Variants in GABRB1 observed in about 807,000 individuals in gnomAD.
The protein encoded by GABRB1 is gamma-aminobutyric acid receptor subunit beta-1.
A neutral mutation model predicts 51.6 loss-of-function variants in GABRB1; 17 were observed. That is an observed-to-expected ratio of 0.33 (90% CI 0.23 to 0.49). GABRB1 has a LOEUF of 0.49. Among genes scored for constraint, GABRB1 ranks in the 20% least tolerant of loss-of-function variants. The pLI, the probability that GABRB1 is intolerant of heterozygous loss-of-function variation, is 0.99. For missense variants in GABRB1, 410 were observed against 600.6 expected (o/e 0.68, Z 3.32); for synonymous variants, 247 against 218.9 (o/e 1.13, Z -1.14).
At chr4:47,281,625 C>A (rs1188039555) in intron 4 of GABRB1, among the ~76,000 whole-genome samples, 1 of 151,816 alleles carries the variant, frequency 6.6e-6, no homozygotes, top group Non-Finnish European at 1.5e-5. Context: ...TTCACAATAG[C>A]CAAGATATGG....
intron 3 of GABRB1, among the ~76,000 whole-genome samples, chr4:47,158,522 G>T (rs1717795167): frequency 6.6e-6 from 1 of 152,054 alleles, no homozygotes. Context: ...TTTGCCGCAG[G>T]TTTCATTGTG....
intron 4 of GABRB1, among the ~76,000 whole-genome samples, chr4:47,234,952 T>G (rs1721273001): frequency 6.6e-6 from 1 of 152,210 alleles, no homozygotes; most frequent in Non-Finnish European, 1.5e-5. Flanking sequence ...CTTCAGGGAC[T>G]TACAGGTTCC....
chr4:47,301,978 C>G (rs1056906091), intron 4 of GABRB1, among the ~76,000 whole-genome samples: 12 of 152,106 alleles, frequency 7.9e-5, no homozygotes, highest in Non-Finnish European at 4.4e-5. Context: ...ATTTCAAAAT[C>G]TTTCACAATT....
intron 8 of GABRB1, among the ~76,000 whole-genome samples, chr4:47,420,455 T>C (rs1729057540): frequency 6.6e-6 from 1 of 152,156 alleles, no homozygotes. Context: ...TGAAAAAAAA[T>C]CTGCTGGTCT....
rs958039784 is a variant in GABRB1, at chr4:47,403,413, G to A, written c.640G>A (p.Val214Ile). ...NKIELPQFSI[V>I]DYKMVSKKVE... is the part of the protein sequence containing the mutation. ...AATCGAACTTCCTCAATTTTCAATT[G>A]TTGACTACAAGATGGTGTCTAAGAA... The change falls in exon 6 of 9, where the codon GTT becomes ATT. Residue 214 changes from valine to isoleucine, a missense_variant. Physicochemically the swap from Val to Ile is conservative, Grantham distance 29. Coordinates refer to ENST00000295454, the MANE Select transcript of GABRB1 (RefSeq NM_000812.4). The A allele has an allele frequency of 1.9e-6, 3 of 1,614,032 alleles. No individual in the cohort carries two copies. Among genetic ancestry groups the A allele is most frequent in the East Asian group, 2.2e-5 (1 of 44,888 alleles).
intron 5 of GABRB1, among the ~76,000 whole-genome samples, chr4:47,400,417 T>TC (rs904955732): frequency 6.6e-6 from 1 of 152,184 alleles, no homozygotes; most frequent in African/African-American, 2.4e-5. Flanking sequence ...TGTTATTTTT[T>TC]CTTGCATATT....
intron 4 of GABRB1, among the ~76,000 whole-genome samples, chr4:47,278,296 G>T (rs1723157320): frequency 6.6e-6 from 1 of 151,904 alleles, no homozygotes. Context: ...ATATATAATT[G>T]TCAAGTAACT....
At chr4:47,042,862 T>C (rs1725918751) in intron 3 of GABRB1, among the ~76,000 whole-genome samples, 1 of 152,088 alleles carries the variant, frequency 6.6e-6, no homozygotes, top group South Asian at 2.1e-4. Context: ...TATACAAAAT[T>C]ATACATATAC....
rs114436023 is a variant in GABRB1, at chr4:47,419,259, G to A, written c.1081-6415G>A. Among the ~76,000 whole-genome samples, 374 of 152,288 alleles carry A rather than the reference G, an allele frequency of 2.5e-3. 1 individual carries two copies. The highest frequency in any genetic ancestry group is 8.7e-3 in the African/African-American group (361 of 41,550). Reference sequence around the variant, plus strand: ...ACTGGAGGAAGGAAGGAAAGTGTGCGCCAGCCAGAAGCTGGATTGTCCCTT... The same window carrying A: ...ACTGGAGGAAGGAAGGAAAGTGTGCACCAGCCAGAAGCTGGATTGTCCCTT... On this transcript the variant is annotated intron_variant, in intron 8 of 8. Coordinates refer to ENST00000295454, the MANE Select transcript of GABRB1 (RefSeq NM_000812.4).
chr4:47,108,248 G>C (rs1195714466), intron 3 of GABRB1, among the ~76,000 whole-genome samples: 1 of 151,984 alleles, frequency 6.6e-6, no homozygotes, highest in African/African-American at 2.4e-5. Context: ...TTTTAGCTTA[G>C]ATCTCAGTAG....
At chr4:47,274,184 C>A (rs1363044439) in intron 4 of GABRB1, among the ~76,000 whole-genome samples, 3 of 152,058 alleles carry the variant, frequency 2.0e-5, no homozygotes, top group Admixed American at 2.0e-4. Context: ...TACACTTAAC[C>A]TTATTAAGAC....
At chr4:47,076,000 T>C (rs894247332) in intron 3 of GABRB1, among the ~76,000 whole-genome samples, 13 of 152,188 alleles carry the variant, frequency 8.5e-5, no homozygotes, top group African/African-American at 3.1e-4. Context: ...TCTGTAATCC[T>C]TGTGCAGATG....
intron 3 of GABRB1, among the ~76,000 whole-genome samples, chr4:47,120,942 A>G (rs1385356001): frequency 6.6e-6 from 1 of 152,160 alleles, no homozygotes; most frequent in African/African-American, 2.4e-5. Flanking sequence ...GTGTTGAAGA[A>G]GGGGCACAAG....
chr4:47,246,993 T>C (rs953781026), intron 4 of GABRB1, among the ~76,000 whole-genome samples: 1 of 152,110 alleles, frequency 6.6e-6, no homozygotes, highest in Non-Finnish European at 1.5e-5. Flanking sequence ...CTCTGCTGAC[T>C]ATTCTATTTG....
chr4:47,333,188 TTTTATTTA>T (rs1264534294), intron 5 of GABRB1, among the ~76,000 whole-genome samples: 1 of 64,860 alleles, frequency 1.5e-5, no homozygotes, highest in Non-Finnish European at 3.0e-5. Flanking sequence ...TTAAAACCCA[TTTTATTTA>T]TATATATATA....
chr4:47,347,580 G>A (rs879270706), intron 5 of GABRB1, among the ~76,000 whole-genome samples: 1 of 151,964 alleles, frequency 6.6e-6, no homozygotes, highest in Non-Finnish European at 1.5e-5. Context: ...CTATGATTAT[G>A]TTAAGTAATG....
intron 4 of GABRB1, among the ~76,000 whole-genome samples, chr4:47,256,090 G>T (rs1722186927): frequency 6.6e-6 from 1 of 152,196 alleles, no homozygotes; most frequent in East Asian, 1.9e-4. Context: ...CATCTGAGAG[G>T]CTGGTATAAT....
At chr4:47,149,172 G>A (rs942662852) in intron 3 of GABRB1, among the ~76,000 whole-genome samples, 14 of 151,750 alleles carry the variant, frequency 9.2e-5, no homozygotes, top group African/African-American at 3.1e-4. Context: ...GAAAGCACCC[G>A]GTAAAATGCT....
intron 4 of GABRB1, among the ~76,000 whole-genome samples, chr4:47,278,479 T>G (rs755691756): frequency 1.3e-5 from 2 of 152,144 alleles, no homozygotes; most frequent in Non-Finnish European, 2.9e-5. Context: ...TTTGAAAATG[T>G]TCAGAACTCC....
Sources: allele counts gnomAD v4.1 joint callset (sites outside exome capture counted in the v4.1 genomes callset), GRCh38; gene constraint gnomAD v4.1.1; transcripts MANE v1.5; gene names NCBI Gene and HGNC (gene_info 2026-07-23, HGNC 2026-07-21).